Variants in CACNA1C observed in about 807,000 individuals in gnomAD.
The protein encoded by CACNA1C is voltage-dependent L-type calcium channel subunit alpha-1C.
In CACNA1C, 30 loss-of-function variants were observed where a neutral mutation model predicts 229.0. That is an observed-to-expected ratio of 0.13 (90% CI 0.10 to 0.18). The LOEUF (loss-of-function observed/expected upper bound fraction) is 0.18. CACNA1C is among the 10% of genes least tolerant of loss of function. The pLI is 1.00. For missense variants in CACNA1C, 1,658 were observed against 2,845.0 expected (o/e 0.58, Z 9.49); for synonymous variants, 1,114 against 1,132.5 (o/e 0.98, Z 0.33).
chr12:2,648,571 C>T (rs1253242981), intron 31 of CACNA1C, 64 bp downstream of exon 31: 4 of 1,485,956 alleles, frequency 2.7e-6, no homozygotes, highest in African/African-American at 1.4e-5. Context: ...CCCCACTCTC[C>T]CCACCCCGAA....
At chr12:2,668,587 C>T (rs2096368486) in intron 37 of CACNA1C, 1 of 255,718 alleles carries the variant, frequency 3.9e-6, no homozygotes, top group Non-Finnish European at 7.6e-6. Context: ...CTGGGGAGGC[C>T]TCAGGAAGCT....
At chr12:2,444,025 C>A (rs573292797) in intron 3 of CACNA1C, among the ~76,000 whole-genome samples, 4 of 152,336 alleles carry the variant, frequency 2.6e-5, no homozygotes, top group Middle Eastern at 3.4e-3. Flanking sequence ...CAACAATAGG[C>A]AGCTGTCTTT....
rs368313748 is a variant in CACNA1C, at chr12:2,360,564, G to A, written c.478-88412G>A. Among the ~76,000 whole-genome samples, 415 of 152,296 alleles carry A rather than the reference G, an allele frequency of 2.7e-3. 1 individual carries two copies. The highest frequency in any genetic ancestry group is 9.6e-3 in the African/African-American group (399 of 41,568). Reference sequence around the variant, plus strand: ...ACAGTTCTGTGGAGTTTTCCAACGGGTCCCTCAGACACCACCGCTGCCCCA... The same window carrying A: ...ACAGTTCTGTGGAGTTTTCCAACGGATCCCTCAGACACCACCGCTGCCCCA... On this transcript the variant is annotated intron_variant, in intron 3 of 46. Coordinates refer to ENST00000399655, the MANE Select transcript of CACNA1C (RefSeq NM_000719.7).
chr12:2,215,841 G>T lies in CACNA1C; in HGVS notation c.477+95411G>T, dbSNP rs945086493. On this transcript the variant is annotated intron_variant, in intron 3 of 46. Transcript: ENST00000399655. The surrounding 1 kb of genome is among the most constrained non-coding windows in gnomAD (Gnocchi z 5.0). ...AGGCCTGCCTGCCTGGGGAGCAGCT[G>T]ATGGCGAATCTGTGTCCTAGAACAC... 1.3e-5 allele frequency among the ~76,000 whole-genome samples: 2 copies of T among 152,230 alleles called. No homozygotes were observed. Among genetic ancestry groups the T allele is most frequent in the Non-Finnish European group, 2.9e-5 (2 of 68,042 alleles).
chr12:2,114,650 T>C (rs1365854466), intron 1 of CACNA1C, among the ~76,000 whole-genome samples: 2 of 152,192 alleles, frequency 1.3e-5, no homozygotes, highest in Non-Finnish European at 2.9e-5. Context: ...CATTTTATTA[T>C]ATTTATTTTT....
chr12:2,633,623 A>T lies in CACNA1C; in HGVS notation c.3829-674A>T, dbSNP rs755526702. 6.4e-7 allele frequency: 1 copy of T among 1,560,180 alleles called. No homozygotes were observed. Among genetic ancestry groups the T allele is most frequent in the Non-Finnish European group, 8.8e-7 (1 of 1,131,090 alleles). On this transcript the variant is annotated intron_variant, in intron 29 of 46. Coordinates refer to ENST00000399655, the MANE Select transcript of CACNA1C (RefSeq NM_000719.7). This position sits in a 1 kb window ranked among gnomAD's most constrained non-coding sequence, Gnocchi z 5.8. ...ATCCCCATCCTGCCTGCCCTCCCTT[A>T]TGTAGGGTTACTTTAGTGATCCCTG...
chr12:2,560,956 T>C (rs1212447240), intron 11 of CACNA1C, among the ~76,000 whole-genome samples: 9 of 151,658 alleles, frequency 5.9e-5, no homozygotes, highest in South Asian at 2.1e-4. Context: ...CTGTGCACCA[T>C]TGCATGTCAA....
rs1037064141 is a variant in CACNA1C at position 2,654,883 on chromosome 12, C to T, written c.4141-264C>T. On this transcript the variant is annotated intron_variant, in intron 33 of 46. Transcript: ENST00000399655. This position sits in a 1 kb window ranked among gnomAD's most constrained non-coding sequence, Gnocchi z 4.4. ...GATCCCGGTCCCAGCATCCACCGCT[C>T]TCAGCCCCAGCTCCCACTGGGCTGC... Among the ~76,000 whole-genome samples, 32 of 152,354 alleles carry T rather than the reference C, an allele frequency of 2.1e-4. No individual in the cohort carries two copies. Among genetic ancestry groups the T allele is most frequent in the African/African-American group, 7.2e-4 (30 of 41,590 alleles).
At chr12:2,406,375 A>C (rs529562476) in intron 3 of CACNA1C, among the ~76,000 whole-genome samples, 1 of 152,248 alleles carries the variant, frequency 6.6e-6, no homozygotes, top group Admixed American at 6.5e-5. Context: ...TCCTTCTGGA[A>C]CTCTGATGAC....
chr12:2,493,276 G>A lies in CACNA1C; in HGVS notation c.1003G>A (p.Gly335Ser). ...QCQNGTVCKP[G>S]WDGPKHGITN... ...CCAGAACGGCACGGTGTGCAAGCCC[G>A]GCTGGGATGGTCCCAAGCACGGCAT... The change falls in exon 7 of 47, where the codon GGC becomes AGC. Residue 335 changes from glycine (G) to serine (S), a missense_variant. Physicochemically the swap from Gly to Ser is moderately conservative, Grantham distance 56 (BLOSUM62 0). This residue lies in a region of CACNA1C where 84 missense variants were observed against 202.6 expected (regional missense o/e 0.41). Coordinates refer to ENST00000399655, the MANE Select transcript of CACNA1C (RefSeq NM_000719.7). The surrounding 1 kb of genome is among the most constrained non-coding windows in gnomAD (Gnocchi z 4.6). 1 of 1,614,046 alleles carries A rather than the reference G, an allele frequency of 6.2e-7. No individual in the cohort carries two copies.
In CACNA1C at chr12:2,575,613, T is replaced by C. The variant is rs114418494; in HGVS notation, c.1896-5977T>C. Among the ~76,000 whole-genome samples the C allele has an allele frequency of 1.3e-3, 191 of 152,280 alleles. 1 individual carries two copies. Among genetic ancestry groups the C allele is most frequent in the African/African-American group, 4.5e-3 (187 of 41,568 alleles). On this transcript the variant is annotated intron_variant, in intron 13 of 46. Coordinates refer to ENST00000399655, the MANE Select transcript of CACNA1C (RefSeq NM_000719.7). The surrounding 1 kb of genome is among the most constrained non-coding windows in gnomAD (Gnocchi z 4.0). ...TGCTTTATAACTGCTCTTTTAACAA[T>C]AGATCACTTGCCACCGAAACTAAGA...
At chr12:2,378,774 T>G (rs1269893223) in intron 3 of CACNA1C, among the ~76,000 whole-genome samples, 4 of 135,186 alleles carry the variant, frequency 3.0e-5, no homozygotes, top group African/African-American at 1.2e-4. Flanking sequence ...TGTTTGTTTA[T>G]TTGGGTCCTT....
intron 6 of CACNA1C, among the ~76,000 whole-genome samples, chr12:2,492,146 A>G (rs1430704924): frequency 1.3e-5 from 2 of 152,210 alleles, no homozygotes; most frequent in Non-Finnish European, 2.9e-5. Context: ...TACCTTCCAT[A>G]GCCAGAGCCA....
rs373065926 is a variant in CACNA1C, at chr12:2,486,818, AG to A, written c.916+558del. On this transcript the variant is annotated intron_variant, in intron 6 of 46. Transcript: ENST00000399655. The surrounding 1 kb of genome is among the most constrained non-coding windows in gnomAD (Gnocchi z 4.9). ...CCAGAGCCCCTATTCCAGGTGGGGGAGGAGGGCAGGTGGGAATCACCCCCTT... is the reference window on the plus strand; with the variant it reads ...CCAGAGCCCCTATTCCAGGTGGGGGAGAGGGCAGGTGGGAATCACCCCCTT... Among the ~76,000 whole-genome samples the A allele has an allele frequency of 1.4e-4, 22 of 152,156 alleles. No homozygotes were observed. In the South Asian group the frequency reaches 2.5e-3, roughly 17 times the overall value.
At position 2,605,727 on chromosome 12, in the gene CACNA1C, G is replaced by A. The variant is rs2075018681; in HGVS notation, c.3097G>A (p.Val1033Met). ...CGCCATCCGGACCATCGGGAACATC[G>A]TGATTGTCACCACCCTGCTGCAGTT... is the stretch of plus-strand genomic sequence containing the variant. Reference protein sequence around the residue: ...FVAIRTIGNIVIVTTLLQFMF... With the variant: ...FVAIRTIGNIMIVTTLLQFMF... Residue 1033 changes from valine (V) to methionine (M), a missense_variant, in exon 24 of 47, where the codon GTG becomes ATG. This residue lies in a region of CACNA1C where 39 missense variants were observed against 143.3 expected (regional missense o/e 0.27). Coordinates refer to ENST00000399655, the MANE Select transcript of CACNA1C (RefSeq NM_000719.7). This position sits in a 1 kb window ranked among gnomAD's most constrained non-coding sequence, Gnocchi z 6.2. 1.2e-6 allele frequency: 2 copies of A among 1,613,994 alleles called. No homozygotes were observed. Among genetic ancestry groups the A allele is most frequent in the Middle Eastern group, 1.6e-4 (1 of 6,062 alleles).
intron 30 of CACNA1C, among the ~76,000 whole-genome samples, chr12:2,640,354 C>T (rs1214457610): frequency 6.6e-6 from 1 of 152,220 alleles, no homozygotes; most frequent in African/African-American, 2.4e-5. Context: ...ACTCCTCATT[C>T]AGTGCCTCCT....
chr12:2,399,037 C>A (rs936286571), intron 3 of CACNA1C, among the ~76,000 whole-genome samples: 3 of 152,102 alleles, frequency 2.0e-5, no homozygotes, highest in African/African-American at 7.2e-5. Context: ...TTAACACCTC[C>A]CCCCGGGGAC....
chr12:2,269,586 G>C (rs2083915645), intron 3 of CACNA1C, among the ~76,000 whole-genome samples: 1 of 152,194 alleles, frequency 6.6e-6, no homozygotes, highest in Admixed American at 6.5e-5. Flanking sequence ...CCAGGAACCA[G>C]CTTCTAACCA....
chr12:2,055,889 G>A (rs1024531428), intron 1 of CACNA1C, among the ~76,000 whole-genome samples: 4 of 152,178 alleles, frequency 2.6e-5, no homozygotes, highest in African/African-American at 7.2e-5. Context: ...GGGGAGGAGG[G>A]TGGTGGAGGT....
Sources: allele counts gnomAD v4.1 joint callset (sites outside exome capture counted in the v4.1 genomes callset), GRCh38; gene constraint gnomAD v4.1.1; regional missense constraint gnomAD v4.1.1; non-coding constraint Gnocchi (gnomAD v3.1); transcripts MANE v1.5; gene names NCBI Gene and HGNC (gene_info 2026-07-23, HGNC 2026-07-21).